Variants in SGCZ observed in about 807,000 individuals in gnomAD.
SGCZ encodes the protein sarcoglycan zeta.
SGCZ carries 40 observed loss-of-function variants against 41.3 expected under a neutral mutation model. That is an observed-to-expected ratio of 0.97 (90% CI 0.75 to 1.26). SGCZ has a LOEUF of 1.26. Ranked by LOEUF, SGCZ falls within the 50% of genes most tolerant of loss-of-function variation. The pLI, the probability that SGCZ is intolerant of heterozygous loss-of-function variation, is 0.00. For missense variants in SGCZ, 552 were observed against 369.8 expected (o/e 1.49, Z -4.04); for synonymous variants, 206 against 137.5 (o/e 1.50, Z -3.49).
At chr8:15,038,814 CAAAAAA>C (rs58922339) in intron 1 of SGCZ, among the ~76,000 whole-genome samples, 14,843 of 91,788 alleles carry the variant, frequency 0.16, 525 homozygotes, top group South Asian at 0.25. Context: ...TGACATTTCT[CAAAAAA>C]AAAAAAAAAA....
At position 14,090,162 on chromosome 8, in the gene SGCZ, C is replaced by T. The variant is rs1585123637; in HGVS notation, c.*281G>A. On this transcript the variant is annotated 3_prime_UTR_variant, in exon 8 of 8. Coordinates refer to ENST00000382080, the MANE Select transcript of SGCZ (RefSeq NM_139167.4). ...ATCTAAAACTGTGTGCTTCACTTCG[C>T]GTAGCAAAGGCACCTATGTTATTCT... 1 of 264,022 alleles carries T rather than the reference C, an allele frequency of 3.8e-6. No individual in the cohort carries two copies. The allele number at this position is 264,022 out of a possible 1,614,324, so 16.4% of individuals were successfully genotyped here.
chr8:14,957,220 T>A (rs1014790475), intron 1 of SGCZ, among the ~76,000 whole-genome samples: 1 of 152,154 alleles, frequency 6.6e-6, no homozygotes, highest in Non-Finnish European at 1.5e-5. Flanking sequence ...CAGATGGTGA[T>A]ATTGTTCAGT....
At chr8:15,128,900 C>G (rs1471005074) in intron 1 of SGCZ, among the ~76,000 whole-genome samples, 1 of 152,150 alleles carries the variant, frequency 6.6e-6, no homozygotes, top group Admixed American at 6.5e-5. Context: ...AAAACATTCT[C>G]TTCTCTGCTG....
At chr8:15,115,602 G>A (rs1011305697) in intron 1 of SGCZ, among the ~76,000 whole-genome samples, 10 of 152,264 alleles carry the variant, frequency 6.6e-5, no homozygotes, top group South Asian at 6.2e-4. Flanking sequence ...CTGTATCATC[G>A]GGGTTCTTAG....
intron 1 of SGCZ, among the ~76,000 whole-genome samples, chr8:15,109,419 T>TA (rs1366892627): frequency 6.6e-6 from 1 of 152,066 alleles, no homozygotes; most frequent in Non-Finnish European, 1.5e-5. Flanking sequence ...TAGCTGAGCA[T>TA]ACAGGAAAAA....
At chr8:14,623,005 G>T (rs566965448) in intron 1 of SGCZ, among the ~76,000 whole-genome samples, 113 of 152,218 alleles carry the variant, frequency 7.4e-4, no homozygotes, top group African/African-American at 2.4e-3. Flanking sequence ...GTAGTGAAAA[G>T]GTCCTGGCTT....
intron 1 of SGCZ, among the ~76,000 whole-genome samples, chr8:14,842,879 C>G (rs535840842): frequency 4.6e-4 from 70 of 152,254 alleles, no homozygotes; most frequent in African/African-American, 1.6e-3. Flanking sequence ...TTGTCTGGAG[C>G]CATGCATTTT....
intron 1 of SGCZ, among the ~76,000 whole-genome samples, chr8:14,900,457 C>T (rs1266563429): frequency 2.0e-5 from 3 of 152,028 alleles, no homozygotes; most frequent in Non-Finnish European, 4.4e-5. Context: ...ACCTGTATGG[C>T]ACAGAAATCA....
At chr8:14,149,159 CACCATAGT>C (rs1347113184) in intron 5 of SGCZ, among the ~76,000 whole-genome samples, 5 of 152,090 alleles carry the variant, frequency 3.3e-5, no homozygotes, top group Non-Finnish European at 7.4e-5. Flanking sequence ...CACTGTTATT[CACCATAGT>C]ACTGGAAGTA....
At chr8:14,192,738 A>G (rs766907475) in intron 4 of SGCZ, among the ~76,000 whole-genome samples, 1 of 152,176 alleles carries the variant, frequency 6.6e-6, no homozygotes, top group African/African-American at 2.4e-5. Flanking sequence ...ATTGTTAGAC[A>G]TAAACTTCTG....
At chr8:14,737,099 A>ATAC (rs1347875425) in intron 1 of SGCZ, among the ~76,000 whole-genome samples, 19 of 148,426 alleles carry the variant, frequency 1.3e-4, no homozygotes, top group Non-Finnish European at 2.1e-4. Flanking sequence ...ATATATCTAT[A>ATAC]TACCAGATAC....
Position 15,079,851 on chromosome 8 carries a change from G to A in SGCZ, c.39+157734C>T, listed in dbSNP as rs1023974704. Among the ~76,000 whole-genome samples, 4 of 152,074 alleles carry A rather than the reference G, an allele frequency of 2.6e-5. No homozygotes were observed. The East Asian group carries it at 5.8e-4, about 22-fold the overall frequency. ...CGCCCAAGTAGGGAACATAGTACCC[G>A]ATAGGTAACTTTTCAATCCTTTCTT... On this transcript the variant is annotated intron_variant, in intron 1 of 7. Coordinates refer to ENST00000382080, the MANE Select transcript of SGCZ (RefSeq NM_139167.4).
chr8:14,333,625 T>A (rs569826509), intron 2 of SGCZ, among the ~76,000 whole-genome samples: 1 of 152,114 alleles, frequency 6.6e-6, no homozygotes, highest in East Asian at 1.9e-4. Flanking sequence ...TCAGATGAGT[T>A]TGCAGTAGAG....
intron 4 of SGCZ, among the ~76,000 whole-genome samples, chr8:14,183,759 A>G (rs1368846004): frequency 1.3e-5 from 2 of 152,180 alleles, no homozygotes; most frequent in Non-Finnish European, 2.9e-5. Flanking sequence ...TAAACTAAGA[A>G]AGGAGAAAAC....
At chr8:14,638,952 A>G (rs879770667) in intron 1 of SGCZ, among the ~76,000 whole-genome samples, 2 of 151,784 alleles carry the variant, frequency 1.3e-5, no homozygotes, top group Non-Finnish European at 2.9e-5. Context: ...ATTCACCTGC[A>G]CTAACAATAA....
intron 4 of SGCZ, among the ~76,000 whole-genome samples, chr8:14,215,467 G>C (rs1805962366): frequency 6.6e-6 from 1 of 150,860 alleles, no homozygotes; most frequent in Non-Finnish European, 1.5e-5. Context: ...AAGTAGGAAA[G>C]AAGGTAAACA....
At chr8:14,781,118 C>T (rs761631100) in intron 1 of SGCZ, among the ~76,000 whole-genome samples, 6 of 152,134 alleles carry the variant, frequency 3.9e-5, no homozygotes, top group Non-Finnish European at 4.4e-5. Flanking sequence ...CATCATATTA[C>T]GTACTAATTA....
At chr8:14,186,238 T>C (rs1253731516) in intron 4 of SGCZ, among the ~76,000 whole-genome samples, 2 of 152,198 alleles carry the variant, frequency 1.3e-5, no homozygotes, top group East Asian at 3.9e-4. Context: ...TTTCAGGAAA[T>C]GGTCTAAAGG....
At chr8:14,804,597 G>A (rs967957132) in intron 1 of SGCZ, among the ~76,000 whole-genome samples, 29 of 144,778 alleles carry the variant, frequency 2.0e-4, no homozygotes, top group African/African-American at 5.5e-4. Flanking sequence ...CCAAATCTAC[G>A]TCTGATTGGT....
Sources: allele counts gnomAD v4.1 joint callset (sites outside exome capture counted in the v4.1 genomes callset), GRCh38; gene constraint gnomAD v4.1.1; transcripts MANE v1.5; gene names NCBI Gene and HGNC (gene_info 2026-07-23, HGNC 2026-07-21).